CTNNB1: variants seen among roughly 807,000 people sequenced by gnomAD.
CTNNB1 encodes the protein catenin beta 1.
A neutral mutation model predicts 82.5 loss-of-function variants in CTNNB1; 6 were observed. The ratio of observed to expected loss-of-function variants is 0.07; its 90% CI spans 0.04 to 0.14. The LOEUF (loss-of-function observed/expected upper bound fraction) is 0.14. Ranked by LOEUF, CTNNB1 falls within the 10% of genes least tolerant of loss-of-function variation. The pLI is 1.00. For missense variants in CTNNB1, 529 were observed against 980.4 expected (o/e 0.54, Z 6.15); for synonymous variants, 312 against 329.7 (o/e 0.95, Z 0.58).
chr3:41,240,243 T>C lies in CTNNB1; in HGVS notation c.*901T>C, dbSNP rs1273387830. 2 of 194,882 alleles carry C rather than the reference T, an allele frequency of 1.0e-5. No homozygotes were observed. The highest frequency in any genetic ancestry group is 2.3e-5 in the African/African-American group (1 of 43,212). The allele number at this position is 194,882 out of a possible 1,614,324, so 12.1% of individuals were successfully genotyped here. On this transcript the variant is annotated 3_prime_UTR_variant, in exon 15 of 15. Transcript: ENST00000349496. ...AATATGCTTAAAATAAGCAGGTGGA[T>C]CTATTTCATGTTTTTGATCAAAAAC...
Position 41,225,248 on chromosome 3 carries a change from T to G in CTNNB1, c.495+41T>G, listed in dbSNP as rs757717193. 6.2e-7 allele frequency: 1 copy of G among 1,613,992 alleles called. No individual in the cohort carries two copies. The highest frequency in any genetic ancestry group is 1.1e-5 in the South Asian group (1 of 91,068). Reference sequence around the variant, plus strand: ...GCTAGCTTTTTAGTCTGCTTTGAAGTAAATGCTCAAGGGGAGTAGTTTCAG... The same window carrying G: ...GCTAGCTTTTTAGTCTGCTTTGAAGGAAATGCTCAAGGGGAGTAGTTTCAG... On this transcript the variant is annotated intron_variant, in intron 4 of 14. Transcript: ENST00000349496. This position sits in a 1 kb window ranked among gnomAD's most constrained non-coding sequence, Gnocchi z 5.3.
intron 1 of CTNNB1, chr3:41,220,774 T>G (rs1449085544): frequency 6.6e-6 from 1 of 152,236 alleles, no homozygotes; most frequent in East Asian, 1.9e-4. Flanking sequence ...AACTGTGGTT[T>G]TAAAATATGT....
chr3:41,224,452 A>C, intron 2 of CTNNB1, 74 bp from the exon 3 acceptor site: 3 of 1,375,450 alleles, frequency 2.2e-6, no homozygotes, highest in Non-Finnish European at 2.0e-6. Context: ...AATGGGTCAT[A>C]TCACAGATTC....
rs144087793 is a variant in CTNNB1, at chr3:41,225,512, G to A, written c.674G>A (p.Arg225His). 3 of 1,614,050 alleles carry A rather than the reference G, an allele frequency of 1.9e-6. No homozygotes were observed. Among genetic ancestry groups the A allele is most frequent in the Non-Finnish European group, 2.5e-6 (3 of 1,179,996 alleles). The change falls in exon 5 of 15, where the codon CGT becomes CAT. Residue 225 changes from arginine (R) to histidine (H), a missense_variant. Around this residue, in one of 4 missense-constraint regions of CTNNB1, gnomAD observed 411 missense variants for 776.4 expected, o/e 0.53. Coordinates refer to ENST00000349496, the MANE Select transcript of CTNNB1 (RefSeq NM_001904.4). The surrounding 1 kb of genome is among the most constrained non-coding windows in gnomAD (Gnocchi z 5.3). Reference protein sequence around the residue: ...AGTLHNLSHHREGLLAIFKSG... With the variant: ...AGTLHNLSHHHEGLLAIFKSG... ...ACCTTGCATAACCTTTCCCATCATCGTGAGGGCTTACTGGCCATCTTTAAG... is the reference window on the plus strand; with the variant it reads ...ACCTTGCATAACCTTTCCCATCATCATGAGGGCTTACTGGCCATCTTTAAG...
intron 1 of CTNNB1, among the ~76,000 whole-genome samples, chr3:41,220,088 A>G (rs1180279048): frequency 1.3e-5 from 2 of 152,184 alleles, no homozygotes; most frequent in Non-Finnish European, 2.9e-5. Context: ...TAAAAATATT[A>G]ATTTATTTGA....
At chr3:41,204,318 A>G (rs1420237517) in intron 1 of CTNNB1, among the ~76,000 whole-genome samples, 1 of 152,246 alleles carries the variant, frequency 6.6e-6, no homozygotes, top group African/African-American at 2.4e-5. Context: ...AATTATGTAC[A>G]TACAACTTAC....
chr3:41,233,447 A>C lies in CTNNB1; in HGVS notation c.1185+3A>C. 3 of 1,614,166 alleles carry C rather than the reference A, an allele frequency of 1.9e-6. No homozygotes were observed. Among genetic ancestry groups the C allele is most frequent in the Non-Finnish European group, 2.5e-6 (3 of 1,179,986 alleles). On this transcript the variant is annotated splice_donor_region_variant and intron_variant, in intron 8 of 14. Transcript: ENST00000349496. ...TTTCAGATGCTGCAACTAAACAGGT[A>C]AATTCTGAGTAAACTGGTGCCATGG...
Position 41,237,996 on chromosome 3 carries a change from C to T in CTNNB1, c.2077-20C>T, listed in dbSNP as rs750804159. On this transcript the variant is annotated intron_variant, in intron 13 of 14. Transcript: ENST00000349496. ...TCATTTTGCTTTCTATTCTTCCTTG[C>T]TTTGTGCATGTTTATCTAGACTGCT... The T allele has an allele frequency of 1.2e-6, 2 of 1,610,502 alleles. No individual in the cohort carries two copies. The highest frequency in any genetic ancestry group is 1.7e-6 in the Non-Finnish European group (2 of 1,176,792).
intron 1 of CTNNB1, among the ~76,000 whole-genome samples, chr3:41,208,882 T>C (rs56671662): frequency 2.6e-4 from 39 of 152,212 alleles, no homozygotes; most frequent in African/African-American, 7.0e-4. Flanking sequence ...ACAAAAAAAA[T>C]TTTTTCTCCG....
rs746139399 is a variant in CTNNB1 at position 41,225,029 on chromosome 3, G to T, written c.317G>T (p.Gly106Val). 2 of 1,614,000 alleles carry T rather than the reference G, an allele frequency of 1.2e-6. No homozygotes were observed. Among genetic ancestry groups the T allele is most frequent in the Non-Finnish European group, 1.7e-6 (2 of 1,179,938 alleles). The stretch of plus-strand genomic sequence containing the variant: ...ATGTTCCCTGAGACATTAGATGAGG[G>T]CATGCAGATCCCATCTACACAGTTT... ...AAMFPETLDE[G>V]MQIPSTQFDA... Residue 106 changes from glycine to valine, a missense_variant, in exon 4 of 15, where the codon GGC becomes GTC. Gly to Val is a moderately radical substitution (Grantham distance 109, BLOSUM62 -3). Transcript: ENST00000349496. The surrounding 1 kb of genome is among the most constrained non-coding windows in gnomAD (Gnocchi z 5.3).
At chr3:41,232,465 A>G (rs1286312032) in intron 7 of CTNNB1, among the ~76,000 whole-genome samples, 1 of 152,164 alleles carries the variant, frequency 6.6e-6, no homozygotes, top group East Asian at 1.9e-4. Context: ...ATTACAGCAG[A>G]TAGACCTCAT....
Position 41,239,965 on chromosome 3 carries a change from TTTGC to T in CTNNB1, c.*630_*633del, listed in dbSNP as rs1361333943. ...TAAGAATATCTGTAATGGTACTGAC[TTTGC>T]TTGCTTTGAAGTAGCTCTTTTTTTT... is the stretch of plus-strand genomic sequence containing the variant. On this transcript the variant is annotated 3_prime_UTR_variant, in exon 15 of 15. Transcript: ENST00000349496. 1 of 181,984 alleles carries T rather than the reference TTTGC, an allele frequency of 5.5e-6. No individual in the cohort carries two copies. The highest frequency in any genetic ancestry group is 1.2e-5 in the Non-Finnish European group (1 of 86,188). 11.3% of individuals were successfully genotyped at this position (181,984 alleles called of 1,614,324 possible). A position where few individuals can be genotyped will look rare whatever the true frequency, so the allele number is the denominator to read the frequency against.
chr3:41,211,056 G>A (rs1160235640), intron 1 of CTNNB1: 2 of 456,620 alleles, frequency 4.4e-6, no homozygotes, highest in East Asian at 1.4e-4. Flanking sequence ...GCCTCACAAA[G>A]TGCGAGGATT....
At chr3:41,210,456 A>G (rs1411550226) in intron 1 of CTNNB1, among the ~76,000 whole-genome samples, 1 of 152,060 alleles carries the variant, frequency 6.6e-6, no homozygotes, top group Admixed American at 6.5e-5. Flanking sequence ...CTCCGTCTCA[A>G]AAAAAAACAA....
intron 1 of CTNNB1, among the ~76,000 whole-genome samples, chr3:41,215,296 T>C (rs890472947): frequency 1.4e-5 from 2 of 147,602 alleles, no homozygotes; most frequent in African/African-American, 2.5e-5. Flanking sequence ...AGGCAGAGAA[T>C]TGCTTAAACC....
In CTNNB1 at chr3:41,236,956, T is replaced by C. The variant is rs11564467; in HGVS notation, c.2076+247T>C. On this transcript the variant is annotated intron_variant, in intron 13 of 14. Coordinates refer to ENST00000349496, the MANE Select transcript of CTNNB1 (RefSeq NM_001904.4). ...AATTATAATTCATAAGGGAGAAAGA[T>C]GAAAAATGTTACCAGATTAAAGAAG... 159 of 593,886 alleles carry C rather than the reference T, an allele frequency of 2.7e-4. No homozygotes were observed. The African/African-American group carries it at 2.8e-3, about 11-fold the overall frequency. 36.8% of individuals were successfully genotyped at this position (593,886 alleles called of 1,614,324 possible).
chr3:41,222,725 G>A (rs1325353307), intron 1 of CTNNB1, among the ~76,000 whole-genome samples: 2 of 152,168 alleles, frequency 1.3e-5, no homozygotes, highest in South Asian at 2.1e-4. Flanking sequence ...CCTGGAAGCC[G>A]GATGTATCAA....
At chr3:41,234,586 C>T in intron 10 of CTNNB1, 1 of 428,598 alleles carries the variant, frequency 2.3e-6, no homozygotes, top group Non-Finnish European at 4.3e-6. Flanking sequence ...AGGCCCACTT[C>T]CTTAGGAAGA....
At chr3:41,228,447 G>T (rs1269518870) in intron 7 of CTNNB1, among the ~76,000 whole-genome samples, 1 of 152,104 alleles carries the variant, frequency 6.6e-6, no homozygotes, top group African/African-American at 2.4e-5. Context: ...TTGTGGTTTT[G>T]ATTTGCATTT....
Sources: allele counts gnomAD v4.1 joint callset (sites outside exome capture counted in the v4.1 genomes callset), GRCh38; gene constraint gnomAD v4.1.1; regional missense constraint gnomAD v4.1.1; non-coding constraint Gnocchi (gnomAD v3.1); transcripts MANE v1.5; gene names NCBI Gene and HGNC (gene_info 2026-07-23, HGNC 2026-07-21).